Variants in TBC1D32 observed in about 807,000 individuals in gnomAD.
TBC1D32 encodes the protein protein broad-minded.
In TBC1D32, 151 loss-of-function variants were observed where a neutral mutation model predicts 170.3. The ratio of observed to expected loss-of-function variants is 0.89; its 90% CI spans 0.78 to 1.01. TBC1D32 has a LOEUF of 1.01. Ranked by LOEUF, TBC1D32 falls within the 50% of genes least tolerant of loss-of-function variation. The pLI is 0.00. For missense variants in TBC1D32, 1,464 were observed against 1,457.1 expected, an observed-to-expected ratio of 1.00 and a Z score of -0.08; for synonymous variants, 498 against 488.0, an observed-to-expected ratio of 1.02 and a Z score of -0.27.
intron 29 of TBC1D32, among the ~76,000 whole-genome samples, chr6:121,109,199 A>C (rs913802919): frequency 6.6e-6 from 1 of 152,212 alleles, no homozygotes; most frequent in Non-Finnish European, 1.5e-5. Flanking sequence ...GTAAATTTAT[A>C]CTTGAATACA....
At chr6:121,290,373 T>C (rs546419857) in intron 12 of TBC1D32, among the ~76,000 whole-genome samples, 51 of 152,248 alleles carry the variant, frequency 3.3e-4, no homozygotes, top group South Asian at 2.9e-3. Context: ...AGAAGACATT[T>C]ATGCAGCCAA....
At chr6:121,331,198 T>TTTGTTGTTG (rs59446339) in intron 1 of TBC1D32, among the ~76,000 whole-genome samples, 8 of 151,704 alleles carry the variant, frequency 5.3e-5, no homozygotes, top group Admixed American at 1.3e-4. Flanking sequence ...TTTTTGGTTT[T>TTTGTTGTTG]TTGTTGTTGT....
intron 15 of TBC1D32, among the ~76,000 whole-genome samples, chr6:121,277,506 A>AC (rs1435074423): frequency 6.6e-6 from 1 of 150,752 alleles, no homozygotes; most frequent in African/African-American, 2.4e-5. Context: ...AAAAAAAAAA[A>AC]AAAACCACAA....
chr6:121,102,208 T>G (rs1315045519), intron 30 of TBC1D32, among the ~76,000 whole-genome samples: 1 of 152,128 alleles, frequency 6.6e-6, no homozygotes, highest in East Asian at 1.9e-4. Context: ...TAGCTACCAA[T>G]GACTTTCTTC....
intron 15 of TBC1D32, among the ~76,000 whole-genome samples, chr6:121,256,973 GCTGAGACA>G (rs1278022217): frequency 6.6e-6 from 1 of 151,934 alleles, no homozygotes; most frequent in African/African-American, 2.4e-5. Flanking sequence ...TGCCCGGCCG[GCTGAGACA>G]CTTTTAAAAG....
intron 26 of TBC1D32, among the ~76,000 whole-genome samples, chr6:121,119,799 G>A: frequency 6.6e-6 from 1 of 151,980 alleles, no homozygotes; most frequent in East Asian, 1.9e-4. Flanking sequence ...ATTTTATAAT[G>A]GATTGAAATC....
chr6:121,102,020 C>T (rs1312610795), intron 30 of TBC1D32, among the ~76,000 whole-genome samples: 4 of 151,988 alleles, frequency 2.6e-5, no homozygotes, highest in African/African-American at 9.7e-5. Flanking sequence ...ACCTAGGAAT[C>T]CAACTTACAA....
chr6:121,131,645 C>A lies in TBC1D32; in HGVS notation c.2881G>T (p.Asp961Tyr), dbSNP rs1484951659. Residue 961 changes from aspartate to tyrosine, a missense_variant, in exon 25 of 32, where the codon GAT becomes TAT. Transcript: ENST00000398212. ...QFCKMMKAKP[D>Y]IISGEALIEL... ...TACTTACCCTCTCCACTGATTATAT[C>A]AGGTTTGGCTTTCATCATTTTGCAA... 1.2e-6 allele frequency: 2 copies of A among 1,611,258 alleles called. No individual in the cohort carries two copies. The highest frequency in any genetic ancestry group is 1.1e-5 in the South Asian group (1 of 90,894).
rs183641998 is a variant in TBC1D32 at position 121,141,697 on chromosome 6, G to A, written c.2774-9945C>T. ...AACATAGATTATCATATAATCCAGC[G>A]ACTCCAATCCTAGGTATACTGAAGA... is the stretch of plus-strand genomic sequence containing the variant. On this transcript the variant is annotated intron_variant, in intron 24 of 31. Transcript: ENST00000398212. 5.9e-5 allele frequency among the ~76,000 whole-genome samples: 9 copies of A among 152,096 alleles called. 1 individual carries two copies. The highest frequency in any genetic ancestry group is 1.9e-4 in the African/African-American group (8 of 41,526).
intron 12 of TBC1D32, among the ~76,000 whole-genome samples, chr6:121,288,409 T>C (rs182739146): frequency 2.0e-5 from 3 of 151,972 alleles, no homozygotes; most frequent in African/African-American, 7.2e-5. Flanking sequence ...CTAGAAGAAA[T>C]AGATAAATTC....
intron 21 of TBC1D32, among the ~76,000 whole-genome samples, chr6:121,209,552 C>T (rs560576867): frequency 6.6e-6 from 1 of 152,268 alleles, no homozygotes; most frequent in African/African-American, 2.4e-5. Context: ...ATTTTAGATT[C>T]ATCATACAAG....
At chr6:121,270,946 G>C (rs774590345) in intron 15 of TBC1D32, among the ~76,000 whole-genome samples, 3 of 152,120 alleles carry the variant, frequency 2.0e-5, no homozygotes. Flanking sequence ...GGGATGCAAG[G>C]CTGGTTCAAC....
In TBC1D32 at chr6:121,289,093, C is replaced by T. The variant is rs141324356; in HGVS notation, c.1372+2960G>A. 1.2e-4 allele frequency among the ~76,000 whole-genome samples: 19 copies of T among 152,258 alleles called. 1 individual carries two copies. In the East Asian group the frequency reaches 3.7e-3, roughly 29 times the overall value. ...GAAGCATTCCTTTTCAAAACTGGCACAAGACAAGGATGCCCTCTCTCACCA... is the reference window on the plus strand; with the variant it reads ...GAAGCATTCCTTTTCAAAACTGGCATAAGACAAGGATGCCCTCTCTCACCA... On this transcript the variant is annotated intron_variant, in intron 12 of 31. Transcript: ENST00000398212.
intron 30 of TBC1D32, among the ~76,000 whole-genome samples, chr6:121,096,899 T>TTAA: frequency 6.6e-6 from 1 of 152,216 alleles, no homozygotes; most frequent in East Asian, 1.9e-4. Flanking sequence ...ACCACACATC[T>TTAA]ACAACCATCT....
rs1780863533 is a variant in TBC1D32, at chr6:121,126,437, A to C, written c.2924T>G (p.Phe975Cys). ...TGGGCTTTCAGTGAGATGAAGCACA[A>C]ATTTTTCAAGTAATTCTATTAAGGC... ...GEALIELLEK[F>C]VLHLTESPSE... The change falls in exon 26 of 32, where the codon TTT becomes TGT. Residue 975 changes from phenylalanine to cysteine, a missense_variant. Phe to Cys is a radical substitution (Grantham distance 205). Transcript: ENST00000398212. The C allele has an allele frequency of 3.7e-6, 6 of 1,612,610 alleles. No homozygotes were observed. The highest frequency in any genetic ancestry group is 5.1e-6 in the Non-Finnish European group (6 of 1,179,212).
At chr6:121,233,488 T>C (rs1169028204) in intron 20 of TBC1D32, among the ~76,000 whole-genome samples, 1 of 152,166 alleles carries the variant, frequency 6.6e-6, no homozygotes, top group Non-Finnish European at 1.5e-5. Flanking sequence ...TTAACTGCTG[T>C]TGCTTTAAAG....
intron 17 of TBC1D32, among the ~76,000 whole-genome samples, chr6:121,246,520 A>G (rs1456260962): frequency 6.6e-6 from 1 of 152,064 alleles, no homozygotes; most frequent in African/African-American, 2.4e-5. Flanking sequence ...CCAGCAATGG[A>G]TCCAAACCAA....
chr6:121,112,866 TATA>T (rs1319029954), intron 28 of TBC1D32, among the ~76,000 whole-genome samples, 193 bp downstream of exon 28: 10 of 152,226 alleles, frequency 6.6e-5, no homozygotes, highest in Admixed American at 4.6e-4. Flanking sequence ...TGAGACTAAA[TATA>T]ATGATTACAA....
chr6:121,290,868 G>C (rs1390114941), intron 12 of TBC1D32, among the ~76,000 whole-genome samples: 1 of 152,106 alleles, frequency 6.6e-6, no homozygotes, highest in African/African-American at 2.4e-5. Flanking sequence ...GATGAAGCTA[G>C]AAACCATCAT....
Sources: allele counts gnomAD v4.1 joint callset (sites outside exome capture counted in the v4.1 genomes callset), GRCh38; gene constraint gnomAD v4.1.1; transcripts MANE v1.5; gene names NCBI Gene and HGNC (gene_info 2026-07-23, HGNC 2026-07-21).